FGF14: variants seen among roughly 807,000 people sequenced by gnomAD.
FGF14 encodes the protein fibroblast growth factor 14.
A neutral mutation model predicts 25.5 loss-of-function variants in FGF14; 5 were observed. The observed-to-expected ratio is 0.20, with a 90% confidence interval of 0.10 to 0.41. The LOEUF (loss-of-function observed/expected upper bound fraction) is 0.41. Ranked by LOEUF, FGF14 falls within the 10% of genes least tolerant of loss-of-function variation. FGF14 has a pLI of 1.00. For synonymous variants in FGF14, 138 were observed against 118.3 expected (o/e 1.17, Z -1.08); for missense variants, 222 against 320.1 (o/e 0.69, Z 2.34).
Position 102,400,960 on chromosome 13 carries a change from G to A in FGF14, c.208+511C>T, listed in dbSNP as rs2058690416. Among the ~76,000 whole-genome samples, 1 of 152,162 alleles carries A rather than the reference G, an allele frequency of 6.6e-6. No homozygotes were observed. Among genetic ancestry groups the A allele is most frequent in the Non-Finnish European group, 1.5e-5 (1 of 68,036 alleles). On this transcript the variant is annotated intron_variant, in intron 1 of 4. Transcript: ENST00000376131. The surrounding 1 kb of genome is among the most constrained non-coding windows in gnomAD (Gnocchi z 4.3). ...GGGGAGGGACGCGGGGGCTGACGGA[G>A]GAGCGGGGCCGCGAGGGAGGGGGCC...
At chr13:101,972,383 C>G (rs190112222) in intron 1 of FGF14, among the ~76,000 whole-genome samples, 1 of 152,172 alleles carries the variant, frequency 6.6e-6, no homozygotes, top group Non-Finnish European at 1.5e-5. Flanking sequence ...TTTGTAGTTA[C>G]GTGAGAATTG....
At chr13:102,031,537 A>T (rs926770583) in intron 1 of FGF14, among the ~76,000 whole-genome samples, 5 of 152,070 alleles carry the variant, frequency 3.3e-5, no homozygotes, top group African/African-American at 1.2e-4. Flanking sequence ...AATTTGAAAC[A>T]TTCCACTCTC....
chr13:101,811,087 C>T (rs2041486297), intron 3 of FGF14, among the ~76,000 whole-genome samples: 1 of 133,280 alleles, frequency 7.5e-6, no homozygotes, highest in Non-Finnish European at 1.5e-5. Context: ...GCGTTTGCTA[C>T]AATCTATGAA....
intron 3 of FGF14, among the ~76,000 whole-genome samples, chr13:101,864,788 G>A (rs2044610145): frequency 6.6e-6 from 1 of 151,940 alleles, no homozygotes; most frequent in African/African-American, 2.4e-5. Context: ...GGCACCAGGA[G>A]GAAAATAATA....
At chr13:101,824,761 G>T (rs2042322088) in intron 3 of FGF14, among the ~76,000 whole-genome samples, 1 of 152,098 alleles carries the variant, frequency 6.6e-6, no homozygotes, top group South Asian at 2.1e-4. Flanking sequence ...CCAGCTTTCG[G>T]CCTCATTCCT....
intron 1 of FGF14, among the ~76,000 whole-genome samples, chr13:102,084,630 A>G (rs2043802876): frequency 6.6e-6 from 1 of 151,208 alleles, no homozygotes; most frequent in Admixed American, 6.5e-5. Flanking sequence ...ACACTAATAC[A>G]AATTATACAT....
At chr13:102,092,485 G>A (rs1046725721) in intron 1 of FGF14, among the ~76,000 whole-genome samples, 3 of 152,160 alleles carry the variant, frequency 2.0e-5, no homozygotes, top group Admixed American at 1.3e-4. Flanking sequence ...TTGAGGATAA[G>A]TCATCCCATG....
chr13:102,009,959 T>C (rs144492001), intron 1 of FGF14, among the ~76,000 whole-genome samples: 2 of 152,288 alleles, frequency 1.3e-5, no homozygotes, highest in East Asian at 3.9e-4. Context: ...AGGTTGACTA[T>C]AAAATTTCAT....
chr13:102,065,413 A>C (rs1187139871), intron 1 of FGF14, among the ~76,000 whole-genome samples: 4 of 152,140 alleles, frequency 2.6e-5, no homozygotes, highest in Non-Finnish European at 5.9e-5. Context: ...CTTTGAGTAT[A>C]CAATGACACA....
chr13:102,188,373 A>G (rs1483038550), intron 1 of FGF14, among the ~76,000 whole-genome samples: 3 of 152,238 alleles, frequency 2.0e-5, no homozygotes, highest in Non-Finnish European at 4.4e-5. Flanking sequence ...GAACAAAAAT[A>G]TGAACAAGTG....
chr13:102,030,079 A>G (rs2041135102), intron 1 of FGF14, among the ~76,000 whole-genome samples: 1 of 152,116 alleles, frequency 6.6e-6, no homozygotes. Flanking sequence ...TTTTAGCTAC[A>G]CTAGGTAACT....
At chr13:101,752,769 G>C (rs557168917) in intron 3 of FGF14, among the ~76,000 whole-genome samples, 5 of 152,178 alleles carry the variant, frequency 3.3e-5, no homozygotes, top group African/African-American at 1.2e-4. Flanking sequence ...GCACATAATG[G>C]TTGCTCTAGC....
intron 1 of FGF14, among the ~76,000 whole-genome samples, chr13:102,050,514 A>G (rs982609216): frequency 7.2e-5 from 11 of 152,186 alleles, no homozygotes. Flanking sequence ...ATTTCTTAGG[A>G]ATAAGCTGAT....
chr13:101,987,262 C>T (rs1447946545), intron 1 of FGF14, among the ~76,000 whole-genome samples: 2 of 152,108 alleles, frequency 1.3e-5, no homozygotes, highest in Non-Finnish European at 2.9e-5. Flanking sequence ...ACAGCTACTG[C>T]GCCCTGCTCT....
intron 1 of FGF14, among the ~76,000 whole-genome samples, chr13:102,093,269 T>C (rs2044249903): frequency 1.3e-5 from 2 of 152,202 alleles, no homozygotes; most frequent in Non-Finnish European, 2.9e-5. Flanking sequence ...TTTGCTACCA[T>C]AAAATTTACA....
At chr13:102,240,428 T>C (rs961164740) in intron 1 of FGF14, among the ~76,000 whole-genome samples, 9 of 152,174 alleles carry the variant, frequency 5.9e-5, no homozygotes, top group African/African-American at 2.2e-4. Context: ...CTGTTAACAT[T>C]GCTCAACTAA....
At chr13:102,053,453 AAAC>A (rs2042300974) in intron 1 of FGF14, among the ~76,000 whole-genome samples, 5 of 152,272 alleles carry the variant, frequency 3.3e-5, no homozygotes, top group South Asian at 2.1e-4. Flanking sequence ...TATGGAAATT[AAAC>A]AACATGTTCC....
chr13:101,882,171 A>G (rs1332231372), intron 1 of FGF14, among the ~76,000 whole-genome samples: 2 of 152,172 alleles, frequency 1.3e-5, no homozygotes, highest in African/African-American at 4.8e-5. Context: ...CCTTTCGGAA[A>G]CTAGAAATAG....
intron 1 of FGF14, among the ~76,000 whole-genome samples, chr13:102,077,164 T>C (rs1440595599): frequency 2.0e-5 from 3 of 152,098 alleles, no homozygotes; most frequent in Admixed American, 2.0e-4. Flanking sequence ...ATCTTAAACA[T>C]TTGAATGTAT....
Sources: gnomAD v4.1 joint callset for allele counts (sites outside exome capture counted in the v4.1 genomes callset) on GRCh38, gnomAD v4.1.1 for gene constraint, Gnocchi (gnomAD v3.1) non-coding constraint, MANE v1.5 for transcripts, NCBI Gene and HGNC (gene_info 2026-07-23, HGNC 2026-07-21) for gene names.